PHLDB2: variants seen among roughly 807,000 people sequenced by gnomAD.
The protein encoded by PHLDB2 is pleckstrin homology-like domain family B member 2.
PHLDB2 carries 71 observed loss-of-function variants against 123.6 expected under a neutral mutation model. That is an observed-to-expected ratio of 0.57 (90% confidence interval 0.47 to 0.70). The LOEUF is 0.70. PHLDB2 is among the 30% of genes least tolerant of loss of function. The probability of loss-of-function intolerance (pLI) is 0.00; values close to 1 mark genes in which losing one functional copy is unlikely to be tolerated. For missense variants in PHLDB2, 1,446 were observed against 1,519.5 expected, an observed-to-expected ratio of 0.95 and a Z score of 0.80; for synonymous variants, 547 against 541.6, an observed-to-expected ratio of 1.01 and a Z score of -0.14.
intron 5 of PHLDB2, among the ~76,000 whole-genome samples, chr3:111,920,722 T>C (rs2068449465): frequency 6.6e-6 from 1 of 152,236 alleles, no homozygotes; most frequent in South Asian, 2.1e-4. Flanking sequence ...CTTTCTGCTT[T>C]TCTGATTCCA....
Position 111,930,990 on chromosome 3 carries a change from A to G in PHLDB2, c.2002-1279A>G, listed in dbSNP as rs200765234. Among the ~76,000 whole-genome samples, 23 of 152,352 alleles carry G rather than the reference A, an allele frequency of 1.5e-4. No individual in the cohort carries two copies. The East Asian group carries it at 4.2e-3, about 28-fold the overall frequency. Reference sequence around the variant, plus strand: ...TTGATATCATGTAGTTTTAGATTTGAACCATAACATCTTTTATACGGAATC... The same window carrying G: ...TTGATATCATGTAGTTTTAGATTTGGACCATAACATCTTTTATACGGAATC... On this transcript the variant is annotated intron_variant, in intron 5 of 17. Transcript: ENST00000431670.
At chr3:111,784,423 G>A (rs1486583864) in intron 1 of PHLDB2, among the ~76,000 whole-genome samples, 2 of 152,174 alleles carry the variant, frequency 1.3e-5, no homozygotes, top group Non-Finnish European at 2.9e-5. Flanking sequence ...GTGTCATGCA[G>A]TGTGTGCAAG....
intron 2 of PHLDB2, among the ~76,000 whole-genome samples, chr3:111,899,669 C>G (rs1263717121): frequency 6.6e-6 from 1 of 152,190 alleles, no homozygotes; most frequent in African/African-American, 2.4e-5. Context: ...GACTTTAGCT[C>G]CTAAAAACAG....
intron 1 of PHLDB2, among the ~76,000 whole-genome samples, chr3:111,837,254 A>T (rs1166209605): frequency 6.6e-6 from 1 of 152,202 alleles, no homozygotes; most frequent in Non-Finnish European, 1.5e-5. Flanking sequence ...TTAGGAATGA[A>T]CAGAGGAAGA....
chr3:111,899,984 G>A (rs945940763), intron 2 of PHLDB2, among the ~76,000 whole-genome samples: 2 of 152,186 alleles, frequency 1.3e-5, no homozygotes, highest in Non-Finnish European at 2.9e-5. Context: ...TTCTACTTCA[G>A]CATATTCTGT....
At chr3:111,750,133 G>C (rs2059745068) in intron 1 of PHLDB2, among the ~76,000 whole-genome samples, 1 of 151,978 alleles carries the variant, frequency 6.6e-6, no homozygotes, top group African/African-American at 2.4e-5. Flanking sequence ...ATAAAACAAA[G>C]GTTCCCAAAT....
intron 1 of PHLDB2, among the ~76,000 whole-genome samples, chr3:111,869,912 G>A (rs561227451): frequency 1.3e-5 from 2 of 152,298 alleles, no homozygotes; most frequent in South Asian, 4.1e-4. Flanking sequence ...TTTGTAGTGG[G>A]TAATAATTAT....
chr3:111,953,543 T>G (rs2070842303), intron 11 of PHLDB2, among the ~76,000 whole-genome samples: 1 of 152,156 alleles, frequency 6.6e-6, no homozygotes, highest in African/African-American at 2.4e-5. Context: ...TAAATAAAAA[T>G]GGGTGCATTT....
In PHLDB2 at chr3:111,816,565, G is replaced by C. The variant is rs930941802; in HGVS notation, c.-48-29256G>C. 4.6e-5 allele frequency among the ~76,000 whole-genome samples: 7 copies of C among 152,282 alleles called. No homozygotes were observed. In the East Asian group the frequency reaches 1.3e-3, roughly 29 times the overall value. ...TGGCAAATTTCTCCCATTTGGAATG[G>C]CTGTATTTACCTGATGCCTGTACTC... On this transcript the variant is annotated intron_variant, in intron 1 of 17. Transcript: ENST00000393923.
intron 8 of PHLDB2, among the ~76,000 whole-genome samples, chr3:111,941,912 AT>A (rs2069920906): frequency 6.6e-6 from 1 of 152,154 alleles, no homozygotes; most frequent in African/African-American, 2.4e-5. Context: ...GCCCGCACAT[AT>A]TTCTGACAAC....
At chr3:111,865,461 C>T (rs1335299651) in intron 1 of PHLDB2, among the ~76,000 whole-genome samples, 1 of 152,160 alleles carries the variant, frequency 6.6e-6, no homozygotes, top group Non-Finnish European at 1.5e-5. Flanking sequence ...ATTTCCATTT[C>T]CTGCATTATG....
At chr3:111,963,475 A>G (rs952924487) in intron 13 of PHLDB2, among the ~76,000 whole-genome samples, 2 of 152,180 alleles carry the variant, frequency 1.3e-5, no homozygotes, top group Non-Finnish European at 2.9e-5. Context: ...TTAACTCTCA[A>G]TTGTCTGTTT....
intron 2 of PHLDB2, among the ~76,000 whole-genome samples, chr3:111,891,705 T>A (rs2066509082): frequency 6.6e-6 from 1 of 152,114 alleles, no homozygotes; most frequent in Non-Finnish European, 1.5e-5. Flanking sequence ...CCAAAAATTT[T>A]GCGGACTGCT....
At chr3:111,930,012 C>T (rs1010995722) in intron 5 of PHLDB2, among the ~76,000 whole-genome samples, 8 of 150,448 alleles carry the variant, frequency 5.3e-5, no homozygotes, top group South Asian at 2.1e-4. Context: ...CCTGGGTTCA[C>T]GCCATTCTCC....
At chr3:111,858,827 G>A (rs1258797243), upstream of PHLDB2, among the ~76,000 whole-genome samples, 1 of 152,046 alleles carries the variant, frequency 6.6e-6, no homozygotes, top group African/African-American at 2.4e-5. Flanking sequence ...CTAGGGACTC[G>A]CCCAGACCTT....
chr3:111,890,462 C>G (rs1030407677), intron 2 of PHLDB2, among the ~76,000 whole-genome samples: 1 of 152,210 alleles, frequency 6.6e-6, no homozygotes. Context: ...GTCACTTGCA[C>G]ATTTTATTAG....
At chr3:111,806,594 C>T (rs571397655) in intron 1 of PHLDB2, among the ~76,000 whole-genome samples, 137 of 151,736 alleles carry the variant, frequency 9.0e-4, no homozygotes, top group Middle Eastern at 6.8e-3. Context: ...AAGCAATTCT[C>T]GTGCCTTCAG....
chr3:111,884,800 C>G lies in PHLDB2; in HGVS notation c.723C>G (p.Tyr241Ter). 1 of 1,614,078 alleles carries G rather than the reference C, an allele frequency of 6.2e-7. No individual in the cohort carries two copies. Residue 241 changes from tyrosine (Y) to a stop codon, truncating the protein, a stop_gained, in exon 2 of 18, where the codon TAC becomes TAG. Coordinates refer to ENST00000431670, the MANE Select transcript of PHLDB2 (RefSeq NM_001134438.2). LOFTEE classifies it high-confidence loss of function. ...ACATCAATTTGAGAACTAGGAAGTA[C>G]TCCAGCAGCAGCCTGAGTCACATGG... is the stretch of plus-strand genomic sequence containing the variant. Reference protein sequence around the residue: ...SENINLRTRKYSSSSLSHMGA... With the variant: ...SENINLRTRK
At chr3:111,814,364 C>T (rs1446068666) in intron 1 of PHLDB2, among the ~76,000 whole-genome samples, 3 of 152,136 alleles carry the variant, frequency 2.0e-5, no homozygotes, top group Non-Finnish European at 1.5e-5. Flanking sequence ...TTGCTTGCTG[C>T]TCTTGAACAT....
Sources: gnomAD v4.1 joint callset for allele counts (sites outside exome capture counted in the v4.1 genomes callset) on GRCh38, gnomAD v4.1.1 for gene constraint, MANE v1.5 for transcripts, NCBI Gene and HGNC (gene_info 2026-07-23, HGNC 2026-07-21) for gene names.